Variants in FAF1 observed in about 807,000 individuals in gnomAD.
FAF1 encodes the protein FAS-associated factor 1.
FAF1 carries 25 observed loss-of-function variants against 92.5 expected under a neutral mutation model. The observed-to-expected ratio is 0.27, with a 90% CI of 0.20 to 0.38. The LOEUF is 0.38. Ranked by LOEUF, FAF1 falls within the 10% of genes least tolerant of loss-of-function variation. The pLI, the probability that FAF1 is intolerant of heterozygous loss-of-function variation, is 1.00. For missense variants in FAF1, 636 were observed against 793.3 expected (o/e 0.80, Z 2.38); for synonymous variants, 234 against 273.2 (o/e 0.86, Z 1.42).
At chr1:50,549,668 G>A (rs752728991) in intron 13 of FAF1, among the ~76,000 whole-genome samples, 2 of 152,054 alleles carry the variant, frequency 1.3e-5, no homozygotes, top group Admixed American at 6.5e-5. Context: ...CCAGCTACTC[G>A]GGAGGCTGAG....
At chr1:50,851,367 C>A (rs72690501) in intron 2 of FAF1, among the ~76,000 whole-genome samples, 2,037 of 152,306 alleles carry the variant, frequency 0.013, 18 homozygotes, top group Middle Eastern at 0.02. Flanking sequence ...GCCACTGCAC[C>A]AAGTCTAAAT....
chr1:50,844,349 T>C (rs1570040710), intron 2 of FAF1, among the ~76,000 whole-genome samples: 1 of 152,180 alleles, frequency 6.6e-6, no homozygotes, highest in African/African-American at 2.4e-5. Context: ...ATTTTTAAGA[T>C]GCTTTGAAAC....
intron 1 of FAF1, among the ~76,000 whole-genome samples, chr1:50,919,906 G>A (rs1644949762): frequency 6.6e-6 from 1 of 152,218 alleles, no homozygotes; most frequent in Non-Finnish European, 1.5e-5. Flanking sequence ...GTATAGCAAA[G>A]ATGAGATCTG....
chr1:50,916,621 A>G (rs1215027187), intron 1 of FAF1, among the ~76,000 whole-genome samples: 6 of 152,184 alleles, frequency 3.9e-5, no homozygotes, highest in African/African-American at 1.4e-4. Context: ...CCCATATGAC[A>G]TACTCCCTGA....
chr1:50,788,195 C>T lies in FAF1; in HGVS notation c.172G>A (p.Gly58Ser), dbSNP rs745588232. The T allele has an allele frequency of 2.5e-6, 4 of 1,613,140 alleles. No individual in the cohort carries two copies. Among genetic ancestry groups the T allele is most frequent in the Middle Eastern group, 1.6e-4 (1 of 6,084 alleles). ...AATGCAGGTCCTGGTATGGTCTCAC[C>T]TCCATATTCACTAAAATGTTGACAT... ...ENGILQSEYG[G>S]ETIPGPAFNP... The change falls in exon 4 of 19, where the codon GGT becomes AGT. Residue 58 changes from glycine (G) to serine (S), a missense_variant. Coordinates refer to ENST00000396153, the MANE Select transcript of FAF1 (RefSeq NM_007051.3).
intron 1 of FAF1, among the ~76,000 whole-genome samples, chr1:50,907,508 C>T (rs1271822126): frequency 2.0e-5 from 3 of 152,202 alleles, no homozygotes; most frequent in East Asian, 1.9e-4. Context: ...TCCATCTGGT[C>T]CTGGACTTTT....
At chr1:50,830,176 G>A (rs1049781178) in intron 2 of FAF1, among the ~76,000 whole-genome samples, 1 of 152,152 alleles carries the variant, frequency 6.6e-6, no homozygotes, top group African/African-American at 2.4e-5. Flanking sequence ...GGAGTGCAGT[G>A]GCATGATCTT....
chr1:50,629,188 G>A (rs943578483), intron 8 of FAF1, among the ~76,000 whole-genome samples: 7 of 133,756 alleles, frequency 5.2e-5, no homozygotes, highest in African/African-American at 1.5e-4. Context: ...TTTTTGAGAC[G>A]GAGTTTCACT....
At chr1:50,722,144 AAG>A (rs1658436127) in intron 6 of FAF1, among the ~76,000 whole-genome samples, 1 of 152,188 alleles carries the variant, frequency 6.6e-6, no homozygotes, top group Admixed American at 6.5e-5. Flanking sequence ...CTATTCCTGA[AAG>A]AGCATCATCG....
In FAF1 at chr1:50,927,605, CAT is replaced by C. The variant is rs925713298; in HGVS notation, c.45+32160_45+32161del. ...AAAGTTTTAAAACTGGCAAAACTAA[CAT>C]ATGTGTAATGTCAGAAGTCAATGTA... On this transcript the variant is annotated intron_variant, in intron 1 of 18. Coordinates refer to ENST00000396153, the MANE Select transcript of FAF1 (RefSeq NM_007051.3). Among the ~76,000 whole-genome samples, 5 of 152,130 alleles carry C rather than the reference CAT, an allele frequency of 3.3e-5. No homozygotes were observed. The East Asian group carries it at 7.7e-4, about 23-fold the overall frequency.
chr1:50,745,473 G>C (rs1659551728), intron 4 of FAF1, among the ~76,000 whole-genome samples: 1 of 152,160 alleles, frequency 6.6e-6, no homozygotes, highest in Non-Finnish European at 1.5e-5. Flanking sequence ...GTAATTCCCA[G>C]TGTTGGAAGT....
At chr1:50,903,938 A>G (rs1448314256) in intron 1 of FAF1, among the ~76,000 whole-genome samples, 1 of 152,240 alleles carries the variant, frequency 6.6e-6, no homozygotes, top group African/African-American at 2.4e-5. Context: ...TGAAAACTGT[A>G]TAAAACTTCT....
intron 2 of FAF1, among the ~76,000 whole-genome samples, chr1:50,838,549 T>C (rs1468735252): frequency 1.5e-5 from 2 of 137,796 alleles, no homozygotes; most frequent in Admixed American, 7.4e-5. Flanking sequence ...TGTAGAATTA[T>C]AAATTAAAAA....
At position 50,675,933 on chromosome 1, in the gene FAF1, GCT is replaced by G. The variant is rs551811976; in HGVS notation, c.658-20407_658-20406del. On this transcript the variant is annotated intron_variant, in intron 7 of 18. Coordinates refer to ENST00000396153, the MANE Select transcript of FAF1 (RefSeq NM_007051.3). ...TACTGTGCATGTTACTCTATTTCAT[GCT>G]CACATCAATTCTATGGGTATAGAAA... 5.7e-3 allele frequency among the ~76,000 whole-genome samples: 867 copies of G among 152,304 alleles called. 3 individuals carry two copies. Among genetic ancestry groups the G allele is most frequent in the Middle Eastern group, 0.017 (5 of 294 alleles).
chr1:50,706,153 CAT>C (rs1405465588), intron 6 of FAF1: 4 of 351,838 alleles, frequency 1.1e-5, no homozygotes, highest in African/African-American at 8.1e-5. Flanking sequence ...TTCTACAAGT[CAT>C]AGGCTAATTC....
intron 8 of FAF1, among the ~76,000 whole-genome samples, chr1:50,652,086 G>GGGCA (rs1440583560): frequency 6.6e-6 from 1 of 152,114 alleles, no homozygotes; most frequent in African/African-American, 2.4e-5. Context: ...GGGGAGGTGT[G>GGGCA]GGCAGGCACC....
chr1:50,464,016 G>C (rs2148991000), intron 18 of FAF1, among the ~76,000 whole-genome samples: 1 of 152,284 alleles, frequency 6.6e-6, no homozygotes, highest in African/African-American at 2.4e-5. Context: ...GAGATGGTGT[G>C]ATGTCATCCT....
At chr1:50,553,761 T>C (rs969657674) in intron 13 of FAF1, among the ~76,000 whole-genome samples, 2 of 152,104 alleles carry the variant, frequency 1.3e-5, no homozygotes, top group East Asian at 1.9e-4. Context: ...TAGAGTTACA[T>C]TGATAAAAGG....
At chr1:50,955,611 TG>T (rs753683171) in intron 1 of FAF1, among the ~76,000 whole-genome samples, 5 of 152,216 alleles carry the variant, frequency 3.3e-5, no homozygotes, top group Admixed American at 2.0e-4. Flanking sequence ...AGAATGACTA[TG>T]TGATCCAGCA....
Sources: gnomAD v4.1 joint callset for allele counts (sites outside exome capture counted in the v4.1 genomes callset) on GRCh38, gnomAD v4.1.1 for gene constraint, MANE v1.5 for transcripts, NCBI Gene and HGNC (gene_info 2026-07-23, HGNC 2026-07-21) for gene names.